Variants in C4orf36 observed in about 807,000 individuals in gnomAD.
C4orf36 encodes the protein chromosome 4 open reading frame 36.
Under a neutral mutation model 12.2 loss-of-function variants are expected in C4orf36, and 11 were observed. The observed-to-expected ratio is 0.90, with a 90% CI of 0.57 to 1.49. The LOEUF is 1.49. C4orf36 is among the 40% of genes most tolerant of loss of function. C4orf36 has a pLI of 0.00. For synonymous variants in C4orf36, 54 were observed against 51.3 expected, an observed-to-expected ratio of 1.05 and a Z score of -0.22; for missense variants, 137 against 133.9, an observed-to-expected ratio of 1.02 and a Z score of -0.11.
chr4:86,912,737 T>C, the C4orf36 span, among the ~76,000 whole-genome samples: 106 of 152,322 alleles, frequency 7.0e-4, no homozygotes, highest in African/African-American at 2.5e-3. Flanking sequence ...CATATAGATA[T>C]GTATATGAGT....
upstream of C4orf36, chr4:86,892,521 G>A: frequency 1.1e-6 from 1 of 949,556 alleles, no homozygotes; most frequent in Non-Finnish European, 1.3e-6. Context: ...CGCGCCCCGC[G>A]GGGTCCGCTC....
chr4:86,906,941 G>C, the C4orf36 span, among the ~76,000 whole-genome samples: 1 of 152,040 alleles, frequency 6.6e-6, no homozygotes, highest in African/African-American at 2.4e-5. Context: ...TAGGGAGGCT[G>C]AGGCAGGAGA....
intron 2 of C4orf36, 91 bp from the exon 3 acceptor site, chr4:86,888,366 G>T: frequency 7.7e-7 from 1 of 1,304,378 alleles, no homozygotes; most frequent in Non-Finnish European, 1.1e-6. Context: ...AGTTCCATTT[G>T]CCACTAGACA....
chr4:86,923,335 C>A, the C4orf36 span, among the ~76,000 whole-genome samples: 874 of 152,220 alleles, frequency 5.7e-3, 13 homozygotes, highest in African/African-American at 0.02. Context: ...AAGTGATCCT[C>A]CTACCTTGGC....
chr4:86,916,948 A>G, the C4orf36 span, among the ~76,000 whole-genome samples: 1 of 152,172 alleles, frequency 6.6e-6, no homozygotes, highest in Non-Finnish European at 1.5e-5. Flanking sequence ...AGCTCCAGTA[A>G]GAAAATACTA....
chr4:86,917,965 T>C, the C4orf36 span, among the ~76,000 whole-genome samples: 1 of 152,252 alleles, frequency 6.6e-6, no homozygotes, highest in Non-Finnish European at 1.5e-5. Flanking sequence ...CATGGGACCA[T>C]CCGTCATTGA....
chr4:86,887,942 C>G (rs1208682058), intron 3 of C4orf36, 49 bp from the exon 4 acceptor site: 1 of 1,607,714 alleles, frequency 6.2e-7, no homozygotes, highest in East Asian at 2.2e-5. Flanking sequence ...TTTCATCAGG[C>G]ATAACTAAGT....
At chr4:86,878,846 C>T (rs1746982126) in intron 4 of C4orf36, among the ~76,000 whole-genome samples, 1 of 152,120 alleles carries the variant, frequency 6.6e-6, no homozygotes, top group African/African-American at 2.4e-5. Context: ...AGTGTAGTAC[C>T]ACAGACAGAC....
chr4:86,919,929 T>C, the C4orf36 span, among the ~76,000 whole-genome samples: 1 of 152,092 alleles, frequency 6.6e-6, no homozygotes, highest in Non-Finnish European at 1.5e-5. Flanking sequence ...CTCAGGAGGC[T>C]GAGCTGGGAG....
the C4orf36 span, among the ~76,000 whole-genome samples, chr4:86,920,346 A>G: frequency 6.6e-6 from 1 of 151,996 alleles, no homozygotes; most frequent in Non-Finnish European, 1.5e-5. Context: ...TTAATACTCC[A>G]TTTACAGCAA....
chr4:86,931,863 G>A, the C4orf36 span, among the ~76,000 whole-genome samples: 57 of 151,194 alleles, frequency 3.8e-4, no homozygotes, highest in Non-Finnish European at 6.5e-4. Context: ...GTGAAACTCC[G>A]TCTCTACTAA....
chr4:86,935,395 G>A, the C4orf36 span: 1 of 152,252 alleles, frequency 6.6e-6, no homozygotes, highest in African/African-American at 2.4e-5. Flanking sequence ...CTTTTCCGGT[G>A]GGAGCCCTCG....
chr4:86,920,802 A>C, the C4orf36 span, among the ~76,000 whole-genome samples: 2 of 152,276 alleles, frequency 1.3e-5, no homozygotes, highest in South Asian at 2.1e-4. Context: ...TAAAAGTCCT[A>C]CCTTTTAACA....
At chr4:86,898,517 G>A in the C4orf36 span, among the ~76,000 whole-genome samples, 2 of 152,018 alleles carry the variant, frequency 1.3e-5, no homozygotes, top group African/African-American at 4.8e-5. Flanking sequence ...GGGCAACATG[G>A]TAAAACCCTT....
At chr4:86,884,353 G>A (rs1042735859) in intron 4 of C4orf36, among the ~76,000 whole-genome samples, 2 of 146,198 alleles carry the variant, frequency 1.4e-5, no homozygotes, top group Non-Finnish European at 3.0e-5. Flanking sequence ...TGCCTTGGCT[G>A]GAGTGCAGTG....
the C4orf36 span, among the ~76,000 whole-genome samples, chr4:86,921,866 C>G: frequency 6.6e-6 from 1 of 152,188 alleles, no homozygotes; most frequent in Non-Finnish European, 1.5e-5. Context: ...GCCCTGACAA[C>G]CACTGTTCTA....
chr4:86,905,742 T>C, the C4orf36 span, among the ~76,000 whole-genome samples: 2 of 148,620 alleles, frequency 1.3e-5, no homozygotes, highest in Non-Finnish European at 3.0e-5. Context: ...TTTTGAGACA[T>C]AGTCTCGCTC....
chr4:86,913,257 C>T, the C4orf36 span: 1 of 589,832 alleles, frequency 1.7e-6, no homozygotes, highest in Non-Finnish European at 3.2e-6. Flanking sequence ...CTCAGCTTCA[C>T]ATCCAGAGGC....
At chr4:86,917,200 A>G in the C4orf36 span, among the ~76,000 whole-genome samples, 1 of 152,112 alleles carries the variant, frequency 6.6e-6, no homozygotes, top group Non-Finnish European at 1.5e-5. Flanking sequence ...GAATCCCTTG[A>G]GCCCAGGAAT....
Sources: allele counts gnomAD v4.1 joint callset (sites outside exome capture counted in the v4.1 genomes callset), GRCh38; gene constraint gnomAD v4.1.1; transcripts MANE v1.5; gene names NCBI Gene and HGNC (gene_info 2026-07-23, HGNC 2026-07-21).